GRIK4: variants seen among roughly 807,000 people sequenced by gnomAD.
The protein encoded by GRIK4 is glutamate receptor ionotropic, kainate 4.
In GRIK4, 40 loss-of-function variants were observed where a neutral mutation model predicts 104.9. The ratio of observed to expected loss-of-function variants is 0.38; its 90% confidence interval spans 0.30 to 0.50. The LOEUF (loss-of-function observed/expected upper bound fraction) is 0.50. Among genes scored for constraint, GRIK4 ranks in the 20% least tolerant of loss-of-function variants. The pLI, the probability that GRIK4 is intolerant of heterozygous loss-of-function variation, is 0.93. For synonymous variants in GRIK4, 485 were observed against 524.9 expected, an observed-to-expected ratio of 0.92 and a Z score of 1.04; for missense variants, 1,047 against 1,308.1, an observed-to-expected ratio of 0.80 and a Z score of 3.08.
chr11:120,858,925 G>C (rs912335918), intron 8 of GRIK4: 3 of 152,078 alleles, frequency 2.0e-5, no homozygotes, highest in African/African-American at 7.2e-5. Flanking sequence ...CCCCTTCCTT[G>C]TCCTTCCACA....
chr11:120,730,313 G>A (rs577994776), intron 3 of GRIK4, among the ~76,000 whole-genome samples: 5 of 152,152 alleles, frequency 3.3e-5, no homozygotes, highest in Admixed American at 6.5e-5. Flanking sequence ...AGGTGCAATT[G>A]CGCCACTGCA....
rs1592064717 is a variant in GRIK4 at position 120,905,532 on chromosome 11, T to TG, written c.1476+42dup. 1.0e-4 allele frequency: 41 copies of TG among 408,128 alleles called. No homozygotes were observed. Among genetic ancestry groups the TG allele is most frequent in the Middle Eastern group, 7.1e-4 (1 of 1,416 alleles). The allele number at this position is 408,128 out of a possible 1,614,324, so 25.3% of individuals were successfully genotyped here. ...AAGTGATCTGGGCCTGAGGGTGGGC[T>TG]GGGAGGGATTGGAAGAGCATGAGGT... On this transcript the variant is annotated intron_variant, in intron 13 of 20. Transcript: ENST00000527524. This position sits in a 1 kb window ranked among gnomAD's most constrained non-coding sequence, Gnocchi z 5.1.
intron 4 of GRIK4, among the ~76,000 whole-genome samples, chr11:120,809,100 C>G (rs1369465315): frequency 6.6e-6 from 1 of 152,214 alleles, no homozygotes; most frequent in Non-Finnish European, 1.5e-5. Flanking sequence ...CTGAACTGCT[C>G]TCTGTCCGGA....
At chr11:120,740,668 C>T (rs927973060) in intron 3 of GRIK4, among the ~76,000 whole-genome samples, 1 of 152,184 alleles carries the variant, frequency 6.6e-6, no homozygotes, top group African/African-American at 2.4e-5. Context: ...GGAGTTTACC[C>T]CAGTCTCTGT....
intron 2 of GRIK4, among the ~76,000 whole-genome samples, chr11:120,658,962 A>T (rs1949766898): frequency 6.6e-6 from 1 of 151,742 alleles, no homozygotes; most frequent in South Asian, 2.1e-4. Flanking sequence ...GTTAGCCAGG[A>T]TGGTCTTGAT....
intron 3 of GRIK4, among the ~76,000 whole-genome samples, chr11:120,701,695 A>G (rs1039306173): frequency 1.3e-5 from 2 of 152,106 alleles, no homozygotes. Context: ...GAACCTCCAT[A>G]TTGTTTTCTG....
intron 1 of GRIK4, among the ~76,000 whole-genome samples, chr11:120,601,573 CT>C (rs1351353018): frequency 1.4e-5 from 2 of 146,560 alleles, no homozygotes; most frequent in East Asian, 4.0e-4. Context: ...GGAGGGGAGG[CT>C]TTTTCTCATT....
At chr11:120,906,322 T>C (rs1942865797) in intron 13 of GRIK4, among the ~76,000 whole-genome samples, 13 of 152,268 alleles carry the variant, frequency 8.5e-5, no homozygotes, top group Admixed American at 8.5e-4. Context: ...TGATGTGCCC[T>C]TGATCCAACT....
intron 8 of GRIK4, among the ~76,000 whole-genome samples, chr11:120,847,956 G>A (rs1441177474): frequency 1.3e-5 from 2 of 152,226 alleles, no homozygotes; most frequent in African/African-American, 4.8e-5. Context: ...TAGGGCAGGA[G>A]CAGGGAGATT....
intron 3 of GRIK4, among the ~76,000 whole-genome samples, chr11:120,700,888 C>T (rs952672269): frequency 4.6e-5 from 7 of 152,248 alleles, no homozygotes; most frequent in East Asian, 3.9e-4. Context: ...CCATCGCAGC[C>T]GGCCATATTA....
chr11:120,659,001 G>C (rs1949767421), intron 2 of GRIK4, among the ~76,000 whole-genome samples: 1 of 151,920 alleles, frequency 6.6e-6, no homozygotes, highest in South Asian at 2.1e-4. Context: ...ACCTGCCTTG[G>C]CCTCCCAAAG....
intron 3 of GRIK4, among the ~76,000 whole-genome samples, chr11:120,738,422 C>T (rs1207526653): frequency 1.3e-5 from 2 of 152,318 alleles, no homozygotes; most frequent in East Asian, 3.9e-4. Flanking sequence ...GTCAGGAAAG[C>T]CCTTGACTGT....
intron 1 of GRIK4, among the ~76,000 whole-genome samples, chr11:120,585,358 T>G (rs1219322724): frequency 6.6e-6 from 1 of 151,530 alleles, no homozygotes; most frequent in African/African-American, 2.4e-5. Flanking sequence ...TTTTTTTTCT[T>G]TTTTTTTGTG....
chr11:120,803,927 A>G (rs1292316313), intron 4 of GRIK4, among the ~76,000 whole-genome samples: 1 of 152,242 alleles, frequency 6.6e-6, no homozygotes, highest in Non-Finnish European at 1.5e-5. Context: ...GCTCAAAGCC[A>G]TTGAATCATT....
chr11:120,878,972 A>G (rs181878040), intron 11 of GRIK4, among the ~76,000 whole-genome samples: 29 of 152,314 alleles, frequency 1.9e-4, no homozygotes, highest in African/African-American at 6.5e-4. Flanking sequence ...ACATCTTTTG[A>G]GTACTTTTTG....
intron 1 of GRIK4, among the ~76,000 whole-genome samples, chr11:120,605,919 C>CA (rs1948954137): frequency 6.6e-6 from 1 of 152,238 alleles, no homozygotes; most frequent in South Asian, 2.1e-4. Context: ...AAAGACCGCA[C>CA]AGGCGGTGGC....
intron 3 of GRIK4, among the ~76,000 whole-genome samples, chr11:120,714,466 C>CTAG (rs1207814851): frequency 6.6e-6 from 1 of 152,194 alleles, no homozygotes; most frequent in Non-Finnish European, 1.5e-5. Context: ...TGCTATGAAT[C>CTAG]TAGTGGTACA....
intron 16 of GRIK4, among the ~76,000 whole-genome samples, chr11:120,957,530 T>A (rs911615961): frequency 1.3e-5 from 2 of 151,796 alleles, no homozygotes; most frequent in African/African-American, 4.8e-5. Flanking sequence ...AAGTGCTACA[T>A]AAACATATGG....
At chr11:120,736,023 A>G (rs989935376) in intron 3 of GRIK4, among the ~76,000 whole-genome samples, 23 of 152,020 alleles carry the variant, frequency 1.5e-4, no homozygotes, top group Non-Finnish European at 1.8e-4. Flanking sequence ...TTGGTGCTCT[A>G]TCCTCCTGTG....
Sources: gnomAD v4.1 joint callset for allele counts (sites outside exome capture counted in the v4.1 genomes callset) on GRCh38, gnomAD v4.1.1 for gene constraint, Gnocchi (gnomAD v3.1) non-coding constraint, MANE v1.5 for transcripts, NCBI Gene and HGNC (gene_info 2026-07-23, HGNC 2026-07-21) for gene names.